The following IL1R2 variants were observed in gnomAD, a reference collection of about 807,000 sequenced individuals.
IL1R2 encodes the protein interleukin 1 receptor type 2.
Under a neutral mutation model 39.5 loss-of-function variants are expected in IL1R2, and 46 were observed. The ratio of observed to expected loss-of-function variants is 1.16; its 90% CI spans 0.92 to 1.49. The LOEUF is 1.49. IL1R2 is among the 40% of genes most tolerant of loss of function. The probability of loss-of-function intolerance (pLI) is 0.00; values close to 1 mark genes in which losing one functional copy is unlikely to be tolerated. For synonymous variants in IL1R2, 207 were observed against 189.6 expected (o/e 1.09, Z -0.75); for missense variants, 537 against 502.0 (o/e 1.07, Z -0.67).
chr2:102,013,971 C>T (rs530707076), intron 3 of IL1R2, among the ~76,000 whole-genome samples: 20 of 152,224 alleles, frequency 1.3e-4, no homozygotes, highest in Non-Finnish European at 2.5e-4. Context: ...ATGACTATCA[C>T]GCCTTTGCCA....
chr2:102,019,827 T>C lies in IL1R2; in HGVS notation c.688+15T>C. 1 of 1,606,050 alleles carries C rather than the reference T, an allele frequency of 6.2e-7. No individual in the cohort carries two copies. The highest frequency in any genetic ancestry group is 1.3e-5 in the African/African-American group (1 of 74,826). On this transcript the variant is annotated intron_variant, in intron 5 of 8. Coordinates refer to ENST00000332549, the MANE Select transcript of IL1R2 (RefSeq NM_004633.4). ...ACGCATCAAGAGTAAGTACTTGCCA[T>C]TGAGGCACCTATCTATCCTGGTTCA...
Position 102,028,256 on chromosome 2 carries a change from T to G in IL1R2, c.1061T>G (p.Leu354Arg). ...ASSTFSWGIV[L>R]APLSLAFLVL... Reference sequence around the variant, plus strand: ...TCCACGTTCTCCTGGGGCATTGTGCTGGCCCCACTTTCACTGGCCTTCTTG... The same window carrying G: ...TCCACGTTCTCCTGGGGCATTGTGCGGGCCCCACTTTCACTGGCCTTCTTG... Residue 354 changes from leucine to arginine, a missense_variant, in exon 9 of 9, where the codon CTG (leucine) becomes CGG (arginine). By Grantham distance (102) the Leu-to-Arg change is moderately radical (BLOSUM62 -2). Transcript: ENST00000332549. 1 of 1,612,290 alleles carries G rather than the reference T, an allele frequency of 6.2e-7. No individual in the cohort carries two copies. The highest frequency in any genetic ancestry group is 1.1e-5 in the South Asian group (1 of 90,410).
At chr2:101,992,115 CAGAG>C (rs1257015954) in intron 1 of IL1R2, 104 bp downstream of exon 1, 1 of 125,226 alleles carries the variant, frequency 8.0e-6, no homozygotes, top group African/African-American at 3.1e-5. Flanking sequence ...GAGAGGGAGG[CAGAG>C]AGAGAGGGAA....
intron 1 of IL1R2, among the ~76,000 whole-genome samples, chr2:101,994,552 C>T (rs147952390): frequency 3.9e-5 from 6 of 152,302 alleles, no homozygotes; most frequent in African/African-American, 9.6e-5. Context: ...TCCTGGTTGG[C>T]GACCTGAGAA....
rs1378732462 is a variant in IL1R2, at chr2:102,008,639, A to G, written c.64A>G (p.Thr22Ala). ...SAFTLQPAAH[T>A]GAARSCRFRG... ...CTTCACCCTTCAGCCTGCGGCACAC[A>G]CAGGTTAGAAGTAAACCTTTCAGAT... The change falls in exon 2 of 9, where the codon ACA (threonine) becomes GCA (alanine). Residue 22 changes from threonine (T) to alanine (A), a missense_variant. By Grantham distance (58) the Thr-to-Ala change is moderately conservative. Transcript: ENST00000332549. 2 of 1,613,542 alleles carry G rather than the reference A, an allele frequency of 1.2e-6. No individual in the cohort carries two copies. The highest frequency in any genetic ancestry group is 1.7e-6 in the Non-Finnish European group (2 of 1,179,590).
chr2:102,004,351 A>G (rs1676132318), intron 1 of IL1R2, among the ~76,000 whole-genome samples: 2 of 140,786 alleles, frequency 1.4e-5, no homozygotes, highest in Non-Finnish European at 3.1e-5. Flanking sequence ...AGGGCTGTGC[A>G]TCAGCTCTTT....
At chr2:101,998,320 C>T (rs895505950) in intron 1 of IL1R2, among the ~76,000 whole-genome samples, 1 of 152,264 alleles carries the variant, frequency 6.6e-6, no homozygotes, top group South Asian at 2.1e-4. Context: ...CTCGCACCTG[C>T]CTTAATGGTT....
chr2:102,015,802 T>G, intron 3 of IL1R2, 69 bp from the exon 4 acceptor site: 1 of 1,222,582 alleles, frequency 8.2e-7, no homozygotes. Flanking sequence ...GGGGAAATGA[T>G]GCTTAATTTC....
At chr2:101,998,553 G>T (rs1326260037) in intron 1 of IL1R2, among the ~76,000 whole-genome samples, 1 of 152,198 alleles carries the variant, frequency 6.6e-6, no homozygotes, top group Non-Finnish European at 1.5e-5. Flanking sequence ...GAATTTGAGG[G>T]CTCAACTAGG....
chr2:102,024,561 GT>G lies in IL1R2; in HGVS notation c.783del (p.Leu262TrpfsTer7). Reference protein sequence around the residue: ...GSRLTIPCKVFLGTGTPLTTM... With the variant: ...GSRLTIPCKVXLGTGTPLTTM... ...CAAGACTGACAATCCCGTGTAAGGT[GT>G]TTCTGGGAACCGGCACACCCTTAAC... On this transcript the variant is annotated frameshift_variant, in exon 7 of 9. Transcript: ENST00000332549. LOFTEE classifies it high-confidence loss of function. 6.2e-7 allele frequency: 1 copy of G among 1,614,088 alleles called. No homozygotes were observed.
At chr2:102,000,276 C>T (rs1675786555) in intron 1 of IL1R2, among the ~76,000 whole-genome samples, 2 of 152,228 alleles carry the variant, frequency 1.3e-5, no homozygotes, top group South Asian at 4.1e-4. Flanking sequence ...CTGTAGTGCA[C>T]ACCAGGGTAT....
intron 1 of IL1R2, among the ~76,000 whole-genome samples, chr2:101,992,542 C>T (rs951428671): frequency 2.3e-5 from 3 of 131,608 alleles, no homozygotes; most frequent in Admixed American, 7.3e-5. Context: ...TGGAGAGAGA[C>T]AGAGAGAGGC....
At chr2:102,004,733 A>G (rs1444072462) in intron 1 of IL1R2, among the ~76,000 whole-genome samples, 2 of 152,228 alleles carry the variant, frequency 1.3e-5, no homozygotes, top group Non-Finnish European at 2.9e-5. Flanking sequence ...CCCACGCTAC[A>G]GCAATTTTGG....
chr2:102,014,085 T>G (rs1389667419), intron 3 of IL1R2, among the ~76,000 whole-genome samples: 1 of 152,186 alleles, frequency 6.6e-6, no homozygotes, highest in African/African-American at 2.4e-5. Context: ...TCAAGGGGAA[T>G]TACCAGATCA....
chr2:102,012,155 C>G (rs1676679194), intron 3 of IL1R2, among the ~76,000 whole-genome samples: 1 of 152,172 alleles, frequency 6.6e-6, no homozygotes, highest in South Asian at 2.1e-4. Flanking sequence ...TTTGGCCTCT[C>G]TCTTCAGCTG....
intron 1 of IL1R2, among the ~76,000 whole-genome samples, chr2:101,995,495 A>G (rs577853200): frequency 4.9e-4 from 75 of 152,248 alleles, no homozygotes; most frequent in African/African-American, 1.8e-3. Flanking sequence ...CCCAAACGAT[A>G]CCTTGATTTC....
intron 4 of IL1R2, among the ~76,000 whole-genome samples, chr2:102,018,014 T>G (rs1351163066): frequency 6.6e-6 from 1 of 152,240 alleles, no homozygotes. Flanking sequence ...GATTTAATAT[T>G]AGAAACTTTG....
intron 3 of IL1R2, among the ~76,000 whole-genome samples, chr2:102,014,389 C>A (rs2150443331): frequency 6.6e-6 from 1 of 152,320 alleles, no homozygotes; most frequent in Non-Finnish European, 1.5e-5. Context: ...CTGCTGGCTA[C>A]CTGCTGTGTG....
intron 1 of IL1R2, among the ~76,000 whole-genome samples, chr2:101,995,666 A>G (rs1675553303): frequency 6.6e-6 from 1 of 152,196 alleles, no homozygotes; most frequent in Non-Finnish European, 1.5e-5. Flanking sequence ...CCTGCCCTCC[A>G]AGGTGTACTG....
Sources: gnomAD v4.1 joint callset for allele counts (sites outside exome capture counted in the v4.1 genomes callset) on GRCh38, gnomAD v4.1.1 for gene constraint, MANE v1.5 for transcripts, NCBI Gene and HGNC (gene_info 2026-07-23, HGNC 2026-07-21) for gene names.